The following SMG7 variants were observed in gnomAD, a reference collection of about 807,000 sequenced individuals.
SMG7 encodes the protein SMG7 nonsense mediated mRNA decay factor, also known as nonsense-mediated mRNA decay factor SMG7.
In SMG7, 34 loss-of-function variants were observed where a neutral mutation model predicts 148.2. The ratio of observed to expected loss-of-function variants is 0.23; its 90% CI spans 0.17 to 0.31. SMG7 has a LOEUF of 0.31. Ranked by LOEUF, SMG7 falls within the 10% of genes least tolerant of loss-of-function variation. SMG7 has a pLI of 1.00. For missense variants in SMG7, 1,114 were observed against 1,408.4 expected (o/e 0.79, Z 3.35); for synonymous variants, 492 against 515.1 (o/e 0.96, Z 0.61).
chr1:183,484,808 T>C (rs1311152961), intron 1 of SMG7, among the ~76,000 whole-genome samples: 1 of 152,202 alleles, frequency 6.6e-6, no homozygotes, highest in African/African-American at 2.4e-5. Context: ...ATAATGTTTT[T>C]AGTAATCATT....
chr1:183,500,888 A>T (rs1189001852), intron 1 of SMG7, among the ~76,000 whole-genome samples: 1 of 152,188 alleles, frequency 6.6e-6, no homozygotes, highest in African/African-American at 2.4e-5. Context: ...GAGGAACTTG[A>T]GTTTTATCAT....
At position 183,551,082 on chromosome 1, in the gene SMG7, G is replaced by A. The variant is rs145254865; in HGVS notation, c.3342G>A (p.Thr1114=). The change falls in exon 22 of 23, where the codon ACG becomes ACA. Residue 1114 remains threonine, a synonymous_variant. Coordinates refer to ENST00000688051, the MANE Select transcript of SMG7 (RefSeq NM_001375584.1). Reference sequence around the variant, plus strand: ...TTGGCATTGATTATCTCTCAGCAACGTCATCCTCTGAGAGCAGTTGGCATC... The same window carrying A: ...TTGGCATTGATTATCTCTCAGCAACATCATCCTCTGAGAGCAGTTGGCATC... ...GGFGIDYLSA[T]SSSESSWHQA... The A allele has an allele frequency of 1.1e-5, 18 of 1,613,718 alleles. No individual in the cohort carries two copies. The highest frequency in any genetic ancestry group is 2.2e-5 in the East Asian group (1 of 44,884).
intron 1 of SMG7, among the ~76,000 whole-genome samples, chr1:183,479,162 T>G (rs1653435488): frequency 6.6e-6 from 1 of 152,166 alleles, no homozygotes; most frequent in South Asian, 2.1e-4. Context: ...AGGAGGTGAT[T>G]CTACTAATTG....
At chr1:183,534,856 AAAAG>A (rs963142647) in intron 10 of SMG7, among the ~76,000 whole-genome samples, 12 of 152,304 alleles carry the variant, frequency 7.9e-5, no homozygotes, top group African/African-American at 2.2e-4. Flanking sequence ...CAAAAAAAAA[AAAAG>A]AAAGACCTTA....
At chr1:183,477,373 A>G (rs990924492) in intron 1 of SMG7, among the ~76,000 whole-genome samples, 1 of 152,038 alleles carries the variant, frequency 6.6e-6, no homozygotes, top group African/African-American at 2.4e-5. Flanking sequence ...TTTACAGGAA[A>G]GGTCCAGAAA....
intron 1 of SMG7, among the ~76,000 whole-genome samples, chr1:183,494,991 G>A (rs1658124309): frequency 6.6e-6 from 1 of 151,744 alleles, no homozygotes; most frequent in Non-Finnish European, 1.5e-5. Flanking sequence ...ACCATGCCCA[G>A]CTAATTTTGG....
At chr1:183,489,405 T>C (rs1656368579) in intron 1 of SMG7, among the ~76,000 whole-genome samples, 1 of 152,132 alleles carries the variant, frequency 6.6e-6, no homozygotes. Context: ...CTGGCTGTTG[T>C]ACATCTAACT....
At chr1:183,551,340 TACAA>T in intron 22 of SMG7, 150 bp downstream of exon 22, 1 of 700,078 alleles carries the variant, frequency 1.4e-6, no homozygotes, top group South Asian at 2.9e-5. Context: ...TGGTCTGCCT[TACAA>T]GATTCTTGAG....
rs1304420050 is a variant in SMG7 at position 183,542,375 on chromosome 1, A to T, written c.1715A>T (p.Asp572Val). Reference protein sequence around the residue: ...RSFPPKEVRRDYSKGITVTKN... With the variant: ...RSFPPKEVRRVYSKGITVTKN... ...TTTCCTCCCAAAGAGGTGAGAAGGG[A>T]CTATAGCAAAGGAATAACTGTAACT... The change falls in exon 14 of 23, where the codon GAC (aspartate) becomes GTC (valine). Residue 572 changes from aspartate (D) to valine (V), a missense_variant. This residue lies in a region of SMG7 where 788 missense variants were observed against 894.5 expected (regional missense o/e 0.88). Coordinates refer to ENST00000688051, the MANE Select transcript of SMG7 (RefSeq NM_001375584.1). 2.5e-6 allele frequency: 4 copies of T among 1,613,990 alleles called. No individual in the cohort carries two copies. In the African/African-American group the frequency reaches 5.3e-5, roughly 22 times the overall value.
intron 4 of SMG7, among the ~76,000 whole-genome samples, chr1:183,525,977 T>G (rs1317816001): frequency 6.6e-6 from 1 of 152,072 alleles, no homozygotes; most frequent in Non-Finnish European, 1.5e-5. Context: ...CTTTGCTTGC[T>G]TAATGTGTCT....
intron 2 of SMG7, among the ~76,000 whole-genome samples, chr1:183,513,648 G>C (rs1305747937): frequency 6.6e-6 from 1 of 152,010 alleles, no homozygotes; most frequent in African/African-American, 2.4e-5. Context: ...GGGATTATAG[G>C]CGTGAGCCAC....
At chr1:183,506,929 A>AGTGCAGTG (rs1661055545) in intron 1 of SMG7, among the ~76,000 whole-genome samples, 2 of 131,050 alleles carry the variant, frequency 1.5e-5, no homozygotes, top group Non-Finnish European at 3.1e-5. Context: ...CCTAGGCTGG[A>AGTGCAGTG]GTGCAGTGGT....
At chr1:183,550,601 A>T (rs369329816) in intron 20 of SMG7, 150 bp from the exon 21 acceptor site, 3 of 752,058 alleles carry the variant, frequency 4.0e-6, no homozygotes, top group East Asian at 2.7e-5. Context: ...CATCTAGCAG[A>T]TCTCTTTGGA....
chr1:183,544,903 C>G, intron 15 of SMG7, 27 bp from the exon 16 acceptor site: 1 of 1,591,636 alleles, frequency 6.3e-7, no homozygotes, highest in Non-Finnish European at 8.6e-7. Context: ...TTCCTTAAAA[C>G]TAAAGCTGTG....
chr1:183,498,647 T>C (rs1344508683), intron 1 of SMG7, among the ~76,000 whole-genome samples: 1 of 152,216 alleles, frequency 6.6e-6, no homozygotes, highest in Non-Finnish European at 1.5e-5. Context: ...GAGAAAGGTA[T>C]AGAGATTTCC....
rs1438480445 is a variant in SMG7 at position 183,550,891 on chromosome 1, A to T, written c.3274A>T (p.Thr1092Ser). 1 of 1,614,158 alleles carries T rather than the reference A, an allele frequency of 6.2e-7. No homozygotes were observed. Among genetic ancestry groups the T allele is most frequent in the South Asian group, 1.1e-5 (1 of 91,082 alleles). ...GACTCCAGATAACAGGGATAGAAGG[A>T]CTGCAGATCGGTGGAAAACTGATAA... The part of the protein sequence containing the change: ...IGTPDNRDRR[T>S]ADRWKTDKPA... The change falls in exon 21 of 23, where the codon ACT becomes TCT. Residue 1092 changes from threonine (T) to serine (S), a missense_variant. Thr to Ser is a moderately conservative substitution (Grantham distance 58, BLOSUM62 1). Coordinates refer to ENST00000688051, the MANE Select transcript of SMG7 (RefSeq NM_001375584.1).
intron 1 of SMG7, chr1:183,472,960 T>G: frequency 2.9e-6 from 1 of 342,620 alleles, no homozygotes. Flanking sequence ...GAGAGAAACG[T>G]CCGGGGAGGC....
At chr1:183,550,725 T>C (rs754856903) in intron 20 of SMG7, 26 bp from the exon 21 acceptor site, 1 of 1,609,428 alleles carries the variant, frequency 6.2e-7, no homozygotes, top group South Asian at 1.1e-5. Context: ...TGATTTACTA[T>C]ATCCTGTGTT....
At chr1:183,473,954 T>C in intron 1 of SMG7, 1 of 790,150 alleles carries the variant, frequency 1.3e-6, no homozygotes, top group African/African-American at 1.9e-5. Flanking sequence ...GTAGTAAAGT[T>C]TTATTAAGCA....
Sources: allele counts gnomAD v4.1 joint callset (sites outside exome capture counted in the v4.1 genomes callset), GRCh38; gene constraint gnomAD v4.1.1; regional missense constraint gnomAD v4.1.1; transcripts MANE v1.5; gene names NCBI Gene and HGNC (gene_info 2026-07-23, HGNC 2026-07-21).